STAU2: variants seen among roughly 807,000 people sequenced by gnomAD.
STAU2 encodes staufen double-stranded RNA binding protein 2.
Under a neutral mutation model 65.9 loss-of-function variants are expected in STAU2, and 20 were observed. The ratio of observed to expected loss-of-function variants is 0.30; its 90% CI spans 0.21 to 0.44. The LOEUF (loss-of-function observed/expected upper bound fraction) is 0.44, where lower values mean the gene tolerates loss of function less well. Ranked by LOEUF, STAU2 falls within the 20% of genes least tolerant of loss-of-function variation. The pLI, the probability that STAU2 is intolerant of heterozygous loss-of-function variation, is 1.00. For missense variants in STAU2, 558 were observed against 683.9 expected (o/e 0.82, Z 2.05); for synonymous variants, 232 against 233.9 (o/e 0.99, Z 0.07).
At chr8:73,592,684 C>A (rs1810908532) in intron 11 of STAU2, among the ~76,000 whole-genome samples, 1 of 152,096 alleles carries the variant, frequency 6.6e-6, no homozygotes, top group South Asian at 2.1e-4. Flanking sequence ...CAAGGTGAAA[C>A]CGCTTCTTTA....
At chr8:73,709,729 C>T (rs886401719) in intron 3 of STAU2, among the ~76,000 whole-genome samples, 1 of 151,764 alleles carries the variant, frequency 6.6e-6, no homozygotes, top group Non-Finnish European at 1.5e-5. Context: ...AATAATTTAA[C>T]AAGTGCCCAT....
At chr8:73,623,040 A>G (rs1813378986) in intron 6 of STAU2, among the ~76,000 whole-genome samples, 1 of 152,252 alleles carries the variant, frequency 6.6e-6, no homozygotes, top group South Asian at 2.1e-4. Context: ...TCTTCAAGAT[A>G]CCACAAGTCA....
intron 13 of STAU2, among the ~76,000 whole-genome samples, chr8:73,517,636 C>A (rs1457768748): frequency 6.6e-6 from 1 of 152,000 alleles, no homozygotes; most frequent in East Asian, 1.9e-4. Flanking sequence ...TAAATAACCA[C>A]ATTTTTAGTC....
intron 6 of STAU2, among the ~76,000 whole-genome samples, chr8:73,651,788 T>C (rs770166412): frequency 2.0e-5 from 3 of 152,226 alleles, no homozygotes; most frequent in Non-Finnish European, 4.4e-5. Context: ...CGGGATGCAT[T>C]TTGAGGAAAT....
chr8:73,692,612 GGAACCT>G (rs1165948301), intron 4 of STAU2, among the ~76,000 whole-genome samples: 20 of 152,140 alleles, frequency 1.3e-4, no homozygotes, highest in Admixed American at 1.2e-3. Flanking sequence ...AACAAATTAT[GGAACCT>G]GAGAAGAGGG....
intron 13 of STAU2, among the ~76,000 whole-genome samples, chr8:73,523,888 AGTT>A (rs1823200565): frequency 6.6e-6 from 1 of 152,128 alleles, no homozygotes; most frequent in South Asian, 2.1e-4. Context: ...GGTTTTGTGT[AGTT>A]GAGTCAGGTA....
intron 6 of STAU2, among the ~76,000 whole-genome samples, chr8:73,628,274 G>A (rs920762692): frequency 1.0e-4 from 15 of 150,682 alleles, no homozygotes; most frequent in Non-Finnish European, 1.6e-4. Flanking sequence ...CACTCCCTAT[G>A]TTGCCTAGGC....
chr8:73,683,652 A>G (rs768471788), intron 5 of STAU2, among the ~76,000 whole-genome samples: 1 of 152,166 alleles, frequency 6.6e-6, no homozygotes, highest in Non-Finnish European at 1.5e-5. Flanking sequence ...CCAAATCGAT[A>G]AAGAGGAAGT....
intron 3 of STAU2, among the ~76,000 whole-genome samples, chr8:73,713,085 G>A (rs1042130483): frequency 6.6e-6 from 1 of 152,120 alleles, no homozygotes; most frequent in African/African-American, 2.4e-5. Flanking sequence ...AGGTTTACAT[G>A]TGCTAGGAAA....
At chr8:73,455,186 C>A (rs1013462419) in intron 13 of STAU2, among the ~76,000 whole-genome samples, 4 of 152,144 alleles carry the variant, frequency 2.6e-5, no homozygotes, top group Non-Finnish European at 5.9e-5. Flanking sequence ...ACAAAGCCTC[C>A]TGCCCGCTCT....
intron 13 of STAU2, among the ~76,000 whole-genome samples, chr8:73,448,655 G>T (rs916410652): frequency 1.3e-5 from 2 of 152,238 alleles, no homozygotes; most frequent in African/African-American, 4.8e-5. Flanking sequence ...AGAAACTGGG[G>T]TCTCAGTGAG....
intron 5 of STAU2, among the ~76,000 whole-genome samples, chr8:73,683,249 C>G (rs543213909): frequency 6.6e-6 from 1 of 152,026 alleles, no homozygotes. Flanking sequence ...AACAGCGTAT[C>G]GAAAAGGTAA....
rs544471136 is a variant in STAU2, at chr8:73,656,962, A to C, written c.410+16145T>G. On this transcript the variant is annotated intron_variant, in intron 6 of 14. Transcript: ENST00000524300. ...ATATCAGACAAAGCAGAGTTCAAGC[A>C]AAAAGGTATTAATGGCGAACACTAG... Among the ~76,000 whole-genome samples, 7 of 152,358 alleles carry C rather than the reference A, an allele frequency of 4.6e-5. No individual in the cohort carries two copies. The East Asian group carries it at 1.3e-3, about 29-fold the overall frequency.
rs545497172 is a variant in STAU2 at position 73,689,989 on chromosome 8, A to G, written c.115-1176T>C. On this transcript the variant is annotated intron_variant, in intron 4 of 14. Transcript: ENST00000524300. ...AATGGCCTAGGCTCCAAAAATGTCAATGTCATAAAAGGAAAAAAAAAACAA... is the reference window on the plus strand; with the variant it reads ...AATGGCCTAGGCTCCAAAAATGTCAGTGTCATAAAAGGAAAAAAAAAACAA... Among the ~76,000 whole-genome samples, 72 of 151,094 alleles carry G rather than the reference A, an allele frequency of 4.8e-4. 1 individual carries two copies. The highest frequency in any genetic ancestry group is 4.2e-3 in the Admixed American group (63 of 15,168).
intron 13 of STAU2, among the ~76,000 whole-genome samples, chr8:73,487,316 G>A (rs1258997014): frequency 6.6e-6 from 1 of 152,064 alleles, no homozygotes; most frequent in Non-Finnish European, 1.5e-5. Flanking sequence ...AGTGGAGGTT[G>A]GCAAATGTGT....
chr8:73,539,993 T>C (rs939507769), intron 13 of STAU2, among the ~76,000 whole-genome samples: 3 of 151,972 alleles, frequency 2.0e-5, no homozygotes, highest in African/African-American at 7.3e-5. Context: ...AGAAATTATT[T>C]AGGGAAAAAA....
intron 13 of STAU2, among the ~76,000 whole-genome samples, chr8:73,465,528 T>C (rs1422123590): frequency 6.6e-6 from 1 of 152,370 alleles, no homozygotes; most frequent in East Asian, 1.9e-4. Flanking sequence ...CTTGGGTGGC[T>C]GCATATAATT....
intron 13 of STAU2, among the ~76,000 whole-genome samples, chr8:73,483,259 C>T (rs1213133808): frequency 1.3e-5 from 2 of 151,872 alleles, no homozygotes; most frequent in African/African-American, 4.8e-5. Flanking sequence ...AAAATAAAAC[C>T]AAAAAGCATG....
intron 6 of STAU2, among the ~76,000 whole-genome samples, chr8:73,624,180 T>C (rs1813474920): frequency 6.6e-6 from 1 of 152,158 alleles, no homozygotes; most frequent in Non-Finnish European, 1.5e-5. Context: ...GTCTAGTCCC[T>C]ATCCAAACAA....
Sources: allele counts gnomAD v4.1 joint callset (sites outside exome capture counted in the v4.1 genomes callset), GRCh38; gene constraint gnomAD v4.1.1; transcripts MANE v1.5; gene names NCBI Gene and HGNC (gene_info 2026-07-23, HGNC 2026-07-21).